PLXNA2: variants seen among roughly 807,000 people sequenced by gnomAD.
PLXNA2 encodes the protein plexin-A2.
In PLXNA2, 91 loss-of-function variants were observed where a neutral mutation model predicts 193.5. The observed-to-expected ratio is 0.47, with a 90% CI of 0.40 to 0.56. PLXNA2 has a LOEUF of 0.56. PLXNA2 is among the 20% of genes least tolerant of loss of function. The pLI, the probability that PLXNA2 is intolerant of heterozygous loss-of-function variation, is 0.00. For missense variants in PLXNA2, 1,995 were observed against 2,503.2 expected (o/e 0.80, Z 4.33); for synonymous variants, 997 against 1,027.3 (o/e 0.97, Z 0.56).
Position 208,044,995 on chromosome 1 carries a change from C to T in PLXNA2, c.3639+72G>A. Reference sequence around the variant, plus strand: ...AGTCAGGCAACGAGACAGAAGAGAGCCTTTCCTTAGGACAGATCACACATG... The same window carrying T: ...AGTCAGGCAACGAGACAGAAGAGAGTCTTTCCTTAGGACAGATCACACATG... On this transcript the variant is annotated intron_variant, in intron 19 of 31. Coordinates refer to ENST00000367033, the MANE Select transcript of PLXNA2 (RefSeq NM_025179.4). The surrounding 1 kb of genome is among the most constrained non-coding windows in gnomAD (Gnocchi z 4.9). The T allele has an allele frequency of 6.4e-7, 1 of 1,566,740 alleles. No homozygotes were observed. The highest frequency in any genetic ancestry group is 8.8e-7 in the Non-Finnish European group (1 of 1,141,086).
chr1:208,199,884 T>C (rs1174179171), intron 3 of PLXNA2, among the ~76,000 whole-genome samples: 7 of 152,168 alleles, frequency 4.6e-5, no homozygotes, highest in African/African-American at 1.4e-4. Context: ...TTGTCCAAAG[T>C]CAGTAGACCA....
Position 208,098,972 on chromosome 1 carries a change from G to T in PLXNA2, c.1608-3C>A, listed in dbSNP as rs766258828. On this transcript the variant is annotated splice_polypyrimidine_tract_variant and splice_region_variant and intron_variant, in intron 5 of 31. Transcript: ENST00000367033. ...GGCATTTGTCCCTGCGGGAGCACCT[G>T]CCATAAACACAGATTCACAAGAGGT... 22 of 1,612,492 alleles carry T rather than the reference G, an allele frequency of 1.4e-5. No homozygotes were observed. Among genetic ancestry groups the T allele is most frequent in the Non-Finnish European group, 1.8e-5 (21 of 1,179,862 alleles).
At chr1:208,115,448 C>T (rs1232442711) in intron 4 of PLXNA2, among the ~76,000 whole-genome samples, 2 of 152,138 alleles carry the variant, frequency 1.3e-5, no homozygotes, top group African/African-American at 4.8e-5. Context: ...CAGAGAGTCT[C>T]AGTGAAGTTG....
Position 208,033,355 on chromosome 1 carries a change from C to T in PLXNA2, c.5019G>A (p.Val1673=), listed in dbSNP as rs1490000469. 6.2e-7 allele frequency: 1 copy of T among 1,609,176 alleles called. No homozygotes were observed. The change falls in exon 28 of 32, where the codon GTG becomes GTA. Residue 1673 remains valine (V), a synonymous_variant. Transcript: ENST00000367033. ...QKEGDRGSKM[V]SEIYLTRLLA... ...GTAGCCGGGTCAGGTAGATCTCGGA[C>T]ACCATCTTGCTGCCCCGGTCACCCT...
At chr1:208,232,452 G>A (rs1235681557) in intron 1 of PLXNA2, among the ~76,000 whole-genome samples, 1 of 152,166 alleles carries the variant, frequency 6.6e-6, no homozygotes, top group Non-Finnish European at 1.5e-5. Context: ...GATTAATTCA[G>A]GCCTGTTTAA....
intron 17 of PLXNA2, among the ~76,000 whole-genome samples, chr1:208,048,191 C>T (rs574933047): frequency 2.0e-5 from 3 of 152,308 alleles, no homozygotes; most frequent in South Asian, 4.1e-4. Flanking sequence ...CGTGCTGCGT[C>T]GGCACTTTTG....
chr1:208,062,133 C>T (rs566263661), intron 12 of PLXNA2, among the ~76,000 whole-genome samples: 1 of 152,226 alleles, frequency 6.6e-6, no homozygotes, highest in Non-Finnish European at 1.5e-5. Flanking sequence ...AAGAGGATAC[C>T]TGGGCAGAGC....
At chr1:208,199,610 G>T (rs1309966621) in intron 3 of PLXNA2, among the ~76,000 whole-genome samples, 2 of 151,762 alleles carry the variant, frequency 1.3e-5, no homozygotes, top group Non-Finnish European at 2.9e-5. Flanking sequence ...AGAATCGCTT[G>T]AACTAGGGAG....
chr1:208,122,958 C>A (rs769998927), intron 4 of PLXNA2, among the ~76,000 whole-genome samples: 1 of 152,090 alleles, frequency 6.6e-6, no homozygotes, highest in Admixed American at 6.5e-5. Flanking sequence ...AACTAGATTG[C>A]GCAATTCAAT....
In PLXNA2 at chr1:208,234,509, G is replaced by T. The variant is rs182838906; in HGVS notation, c.-81+9134C>A. On this transcript the variant is annotated intron_variant, in intron 1 of 31. Coordinates refer to ENST00000367033, the MANE Select transcript of PLXNA2 (RefSeq NM_025179.4). The stretch of plus-strand genomic sequence containing the variant: ...GACAAAGCTCCTTGTGTTGCTTGGG[G>T]AGCTTCTTGGCCTACTAGAAGACAG... Among the ~76,000 whole-genome samples the T allele has an allele frequency of 4.7e-4, 72 of 152,284 alleles. 1 individual carries two copies. The highest frequency in any genetic ancestry group is 3.8e-4 in the Non-Finnish European group (26 of 68,032).
chr1:208,087,183 T>C (rs1176380693), intron 9 of PLXNA2, among the ~76,000 whole-genome samples: 2 of 152,096 alleles, frequency 1.3e-5, no homozygotes, highest in African/African-American at 4.8e-5. Context: ...GGAAGTATGA[T>C]GTCTGGGGTT....
intron 4 of PLXNA2, among the ~76,000 whole-genome samples, chr1:208,132,505 T>TA (rs369186097): frequency 5.1e-4 from 78 of 152,280 alleles, no homozygotes; most frequent in Middle Eastern, 6.8e-3. Context: ...TGTTATCTGT[T>TA]AAAAAAAGGC....
chr1:208,104,719 A>G (rs1428683789), intron 4 of PLXNA2, among the ~76,000 whole-genome samples: 1 of 152,128 alleles, frequency 6.6e-6, no homozygotes, highest in African/African-American at 2.4e-5. Context: ...GGGTGTCCCC[A>G]CCCATCCTTC....
intron 4 of PLXNA2, among the ~76,000 whole-genome samples, chr1:208,105,661 G>A (rs1046573642): frequency 1.4e-4 from 22 of 152,166 alleles, no homozygotes; most frequent in Admixed American, 8.5e-4. Context: ...GGTATCTGCC[G>A]GAGACCTTCT....
intron 3 of PLXNA2, among the ~76,000 whole-genome samples, chr1:208,161,190 T>C (rs897726584): frequency 3.3e-5 from 5 of 152,194 alleles, no homozygotes; most frequent in African/African-American, 1.2e-4. Flanking sequence ...CTGGAATCTC[T>C]GGCAGAAAGC....
At chr1:208,032,458 C>T (rs1265538989) in intron 28 of PLXNA2, among the ~76,000 whole-genome samples, 2 of 152,144 alleles carry the variant, frequency 1.3e-5, no homozygotes, top group African/African-American at 4.8e-5. Context: ...TTAGGCAAAG[C>T]TAAAATGGAG....
intron 1 of PLXNA2, among the ~76,000 whole-genome samples, chr1:208,240,088 C>A (rs539355941): frequency 6.6e-6 from 1 of 152,336 alleles, no homozygotes; most frequent in Admixed American, 6.5e-5. Flanking sequence ...ACTGCTCAGG[C>A]CTCAGCCATT....
intron 1 of PLXNA2, among the ~76,000 whole-genome samples, chr1:208,234,918 C>G (rs1671806964): frequency 6.6e-6 from 1 of 152,190 alleles, no homozygotes; most frequent in African/African-American, 2.4e-5. Flanking sequence ...CCAATTTGGA[C>G]TTGGGTTTCA....
chr1:208,027,692 C>G (rs1664382056), intron 31 of PLXNA2, among the ~76,000 whole-genome samples: 1 of 152,202 alleles, frequency 6.6e-6, no homozygotes, highest in South Asian at 2.1e-4. Context: ...TGAAATGTAA[C>G]TGACAGGATC....
Sources: allele counts gnomAD v4.1 joint callset (sites outside exome capture counted in the v4.1 genomes callset), GRCh38; gene constraint gnomAD v4.1.1; non-coding constraint Gnocchi (gnomAD v3.1); transcripts MANE v1.5; gene names NCBI Gene and HGNC (gene_info 2026-07-23, HGNC 2026-07-21).